Variants in ADGRL2 observed in about 807,000 individuals in gnomAD.
ADGRL2 encodes adhesion G protein-coupled receptor L2, also known as calcium-independent alpha-latrotoxin receptor 2.
In ADGRL2, 44 loss-of-function variants were observed where a neutral mutation model predicts 157.4. The observed-to-expected ratio is 0.28, with a 90% CI of 0.22 to 0.36. ADGRL2 has a LOEUF of 0.36. ADGRL2 is among the 10% of genes least tolerant of loss of function. ADGRL2 has a pLI of 1.00. For synonymous variants in ADGRL2, 585 were observed against 624.7 expected (o/e 0.94, Z 0.95); for missense variants, 1,510 against 1,768.9 (o/e 0.85, Z 2.63).
rs570124977 is a variant in ADGRL2, at chr1:81,595,338, T to C, written c.-143+14358T>C. Among the ~76,000 whole-genome samples the C allele has an allele frequency of 5.9e-5, 9 of 152,284 alleles. No individual in the cohort carries two copies. The South Asian group carries it at 1.9e-3, about 32-fold the overall frequency. ...CTTAACTGTACCTTCCCAGTAAACA[T>C]GGGAGTAATAACATTTAGAGAATTG... On this transcript the variant is annotated intron_variant, in intron 3 of 24. Transcript: ENST00000370721.
In ADGRL2 at chr1:81,427,152, TG is replaced by T. The variant is rs1322668975; in HGVS notation, c.-301-17881del. 3 of 1,146,386 alleles carry T rather than the reference TG, an allele frequency of 2.6e-6. No homozygotes were observed. The African/African-American group carries it at 4.6e-5, about 18-fold the overall frequency. The allele number at this position is 1,146,386 out of a possible 1,614,324, so 71.0% of individuals were successfully genotyped here. On this transcript the variant is annotated intron_variant, in intron 1 of 24. Coordinates refer to the ADGRL2 transcript ENST00000370721. ...TGTGGAGGTGGATCCGGCAATTTTA[TG>T]GGTTGCGGAGGAAACTTTCGAGGTG... is the stretch of plus-strand genomic sequence containing the variant.
chr1:81,888,003 C>T (rs1183505433), intron 2 of ADGRL2, among the ~76,000 whole-genome samples: 3 of 152,106 alleles, frequency 2.0e-5, no homozygotes, highest in Non-Finnish European at 4.4e-5. Context: ...GACAGTCAAG[C>T]GGCCTTCTAT....
chr1:81,477,157 G>A (rs1164023766), intron 2 of ADGRL2, among the ~76,000 whole-genome samples: 1 of 152,114 alleles, frequency 6.6e-6, no homozygotes, highest in Non-Finnish European at 1.5e-5. Flanking sequence ...TGGTTTACAT[G>A]TGTCATATCA....
chr1:81,581,680 A>T (rs193034952), intron 3 of ADGRL2, among the ~76,000 whole-genome samples: 1 of 152,288 alleles, frequency 6.6e-6, no homozygotes, highest in East Asian at 1.9e-4. Context: ...CTCTAATATT[A>T]CATGATATAT....
rs192866418 is a variant in ADGRL2, at chr1:81,784,884, T to C, written c.-101+23032T>C. Among the ~76,000 whole-genome samples, 1,476 of 151,530 alleles carry C rather than the reference T, an allele frequency of 9.7e-3. 29 individuals are homozygous for C. The highest frequency in any genetic ancestry group is 0.034 in the African/African-American group (1,410 of 41,250). The stretch of plus-strand genomic sequence containing the variant: ...CACAGATTAAGTTAATTGGTGTTAA[T>C]TATCCAATTTTATGAATTAACTATA... On this transcript the variant is annotated intron_variant, in intron 2 of 20. Transcript: ENST00000359929.
intron 3 of ADGRL2, among the ~76,000 whole-genome samples, chr1:81,610,609 G>A (rs995677423): frequency 1.3e-5 from 2 of 152,178 alleles, no homozygotes; most frequent in Non-Finnish European, 2.9e-5. Context: ...TATTTTAAAA[G>A]AGGTCTCTGC....
chr1:81,437,867 G>A (rs945947268), intron 1 of ADGRL2, among the ~76,000 whole-genome samples: 1 of 152,094 alleles, frequency 6.6e-6, no homozygotes, highest in African/African-American at 2.4e-5. Context: ...GCTTTGATTC[G>A]AGTTATAAAC....
intron 2 of ADGRL2, among the ~76,000 whole-genome samples, chr1:81,842,477 C>T (rs2092630040): frequency 2.0e-5 from 3 of 150,088 alleles, no homozygotes; most frequent in African/African-American, 7.3e-5. Context: ...CCTGCCTCAG[C>T]CTCCCAAGTA....
chr1:81,311,239 T>C (rs1659733350), intron 1 of ADGRL2, among the ~76,000 whole-genome samples: 1 of 152,128 alleles, frequency 6.6e-6, no homozygotes, highest in Non-Finnish European at 1.5e-5. Flanking sequence ...AGAAAGTCTG[T>C]TTGTTACTGT....
At chr1:81,480,087 G>A (rs1354347188) in intron 2 of ADGRL2, among the ~76,000 whole-genome samples, 1 of 152,128 alleles carries the variant, frequency 6.6e-6, no homozygotes, top group African/African-American at 2.4e-5. Flanking sequence ...CCTAGTCTCT[G>A]TTATACAGCA....
At chr1:81,620,231 G>T (rs1253323512) in intron 3 of ADGRL2, among the ~76,000 whole-genome samples, 1 of 152,028 alleles carries the variant, frequency 6.6e-6, no homozygotes, top group Non-Finnish European at 1.5e-5. Flanking sequence ...TGGTACATGG[G>T]TACAGTAGGT....
At chr1:81,482,682 T>C (rs968861577) in intron 2 of ADGRL2, among the ~76,000 whole-genome samples, 1 of 152,188 alleles carries the variant, frequency 6.6e-6, no homozygotes, top group East Asian at 1.9e-4. Flanking sequence ...AAAACATCTT[T>C]ATGTTTGTAA....
intron 3 of ADGRL2, among the ~76,000 whole-genome samples, chr1:81,617,192 A>G (rs921289595): frequency 5.3e-5 from 8 of 152,236 alleles, no homozygotes; most frequent in African/African-American, 1.7e-4. Flanking sequence ...ACCTCCTGTC[A>G]GATCAGTGGA....
At chr1:81,360,738 A>G (rs750861998) in intron 1 of ADGRL2, among the ~76,000 whole-genome samples, 2 of 151,958 alleles carry the variant, frequency 1.3e-5, no homozygotes, top group Non-Finnish European at 2.9e-5. Context: ...GGAAAGAAGG[A>G]AGGAGGGAAA....
intron 3 of ADGRL2, among the ~76,000 whole-genome samples, chr1:81,629,122 C>T (rs957814061): frequency 6.6e-6 from 1 of 152,024 alleles, no homozygotes; most frequent in African/African-American, 2.4e-5. Context: ...CTCTTAGAGA[C>T]CTTGACAGTT....
chr1:81,778,238 C>A (rs1386493708), intron 2 of ADGRL2, among the ~76,000 whole-genome samples: 3 of 151,292 alleles, frequency 2.0e-5, no homozygotes, highest in Non-Finnish European at 4.4e-5. Context: ...AGGAGAATGG[C>A]GTGAACTCGG....
chr1:81,528,372 C>A (rs1408519129), intron 2 of ADGRL2, among the ~76,000 whole-genome samples: 1 of 152,026 alleles, frequency 6.6e-6, no homozygotes, highest in Non-Finnish European at 1.5e-5. Flanking sequence ...CCCGGCCCGG[C>A]GCGGTGGCTC....
At chr1:81,763,673 AG>A (rs1281367036) in intron 2 of ADGRL2, among the ~76,000 whole-genome samples, 1 of 151,496 alleles carries the variant, frequency 6.6e-6, no homozygotes, top group Non-Finnish European at 1.5e-5. Context: ...TCACAAGTTC[AG>A]GAGTTCGAGA....
chr1:81,846,215 AAGAAT>A (rs771635856), intron 2 of ADGRL2, among the ~76,000 whole-genome samples: 15 of 151,928 alleles, frequency 9.9e-5, no homozygotes, highest in Admixed American at 1.3e-4. Flanking sequence ...AAAAAAGAAA[AAGAAT>A]AGAAGTAAAC....
Sources: gnomAD v4.1 joint callset for allele counts (sites outside exome capture counted in the v4.1 genomes callset) on GRCh38, gnomAD v4.1.1 for gene constraint, MANE v1.5 for transcripts, NCBI Gene and HGNC (gene_info 2026-07-23, HGNC 2026-07-21) for gene names.